CLUH: variants seen among roughly 807,000 people sequenced by gnomAD.
The protein encoded by CLUH is clustered mitochondria protein homolog.
In CLUH, 77 loss-of-function variants were observed where a neutral mutation model predicts 139.3. That is an observed-to-expected ratio of 0.55 (90% CI 0.46 to 0.67). The LOEUF (loss-of-function observed/expected upper bound fraction) is 0.67, where lower values mean the gene tolerates loss of function less well. Among genes scored for constraint, CLUH ranks in the 30% least tolerant of loss-of-function variants. The pLI is 0.00. For missense variants in CLUH, 1,876 were observed against 1,875.8 expected (o/e 1.00, Z 0.00); for synonymous variants, 999 against 801.6 (o/e 1.25, Z -4.16).
In CLUH at chr17:2,695,524, C is replaced by CAA. The variant is rs1043964812; in HGVS notation, c.2393_2394insTT (p.Lys799Ter). Reference sequence around the variant, plus strand: ...GGACCGCGTGCTCCATGCAGTCCTTCACCTGCGGGCTGCAGCAGCTCAGGC... The same window carrying CAA: ...GGACCGCGTGCTCCATGCAGTCCTTCAAACCTGCGGGCTGCAGCAGCTCAGGC... On this transcript the variant is annotated frameshift_variant and splice_region_variant, in exon 14 of 26. Coordinates refer to ENST00000651024, the MANE Select transcript of CLUH (RefSeq NM_001366661.1). LOFTEE classifies it high-confidence loss of function. 7.5e-6 allele frequency: 12 copies of CAA among 1,597,528 alleles called. No individual in the cohort carries two copies. The highest frequency in any genetic ancestry group is 1.0e-5 in the Non-Finnish European group (12 of 1,177,068).
rs773080711 is a variant in CLUH at position 2,695,519 on chromosome 17, T to A, written c.2399A>T (p.Asp800Val). 6.2e-7 allele frequency: 1 copy of A among 1,601,224 alleles called. No individual in the cohort carries two copies. Among genetic ancestry groups the A allele is most frequent in the Non-Finnish European group, 8.5e-7 (1 of 1,178,378 alleles). ...LSCQIPGLVK[D>V]CMEHAVLPVD... ...GGGCAGGACCGCGTGCTCCATGCAG[T>A]CCTTCACCTGCGGGCTGCAGCAGCT... The change falls in exon 14 of 26, where the codon GAC (aspartate) becomes GTC (valine). Residue 800 changes from aspartate to valine, a missense_variant. This residue lies in a region of CLUH where 1,454 missense variants were observed against 1,384.4 expected (regional missense o/e 1.05). Transcript: ENST00000651024.
At position 2,690,507 on chromosome 17, in the gene CLUH, T is replaced by C; in HGVS notation, c.*87A>G. The C allele has an allele frequency of 3.2e-6, 4 of 1,233,200 alleles. No individual in the cohort carries two copies. Among genetic ancestry groups the C allele is most frequent in the Non-Finnish European group, 4.3e-6 (4 of 940,730 alleles). The allele number at this position is 1,233,200 out of a possible 1,614,324, so 76.4% of individuals were successfully genotyped here. On this transcript the variant is annotated 3_prime_UTR_variant, in exon 26 of 26. Coordinates refer to ENST00000651024, the MANE Select transcript of CLUH (RefSeq NM_001366661.1). The stretch of plus-strand genomic sequence containing the variant: ...CGTGGAGGAAGAGGGCCTTGCTTCC[T>C]CTTCCGCCCGCAGGCTCGCCCCCTT...
At chr17:2,697,806 T>A in intron 10 of CLUH, 90 bp downstream of exon 10, 1 of 1,225,870 alleles carries the variant, frequency 8.2e-7, no homozygotes, top group Non-Finnish European at 1.1e-6. Context: ...CCAGCGCTTC[T>A]CCCTTCAAGG....
In CLUH at chr17:2,690,631, G is replaced by A. The variant is rs2069585780; in HGVS notation, c.4010C>T (p.Pro1337Leu). The A allele has an allele frequency of 9.3e-6, 14 of 1,503,752 alleles. No individual in the cohort carries two copies. The highest frequency in any genetic ancestry group is 7.5e-5 in the Admixed American group (3 of 40,126). The allele number at this position is 1,503,752 out of a possible 1,614,324, so 93.2% of individuals were successfully genotyped here. A position where few individuals can be genotyped will look rare whatever the true frequency, so the allele number is the denominator to read the frequency against. The stretch of plus-strand genomic sequence containing the variant: ...GCTCGGAGAAGGGTCCTTGGCAGCC[G>A]GGGGCTGGGAGCCCAGGTCTCCTGG... Reference protein sequence around the residue: ...GAPGDLGSQPPAAKDPSPSVQ... With the variant: ...GAPGDLGSQPLAAKDPSPSVQ... Residue 1337 changes from proline (P) to leucine (L), a missense_variant, in exon 26 of 26, where the codon CCG becomes CTG. This residue lies in a region of CLUH where 1,454 missense variants were observed against 1,384.4 expected (regional missense o/e 1.05). Transcript: ENST00000651024.
intron 25 of CLUH, 54 bp from the exon 26 acceptor site, chr17:2,690,831 A>G (rs1597591231): frequency 2.2e-6 from 3 of 1,344,436 alleles, no homozygotes; most frequent in Non-Finnish European, 2.9e-6. Context: ...TGGGGGCTCC[A>G]CCCGCCTCCC....
At position 2,702,050 on chromosome 17, in the gene CLUH, G is replaced by A. The variant is rs568728807; in HGVS notation, c.483C>T (p.Tyr161=). 8.1e-6 allele frequency: 13 copies of A among 1,613,400 alleles called. No individual in the cohort carries two copies. In the East Asian group the frequency reaches 2.0e-4, roughly 25 times the overall value. ...GSVLRVVEEP[Y]TVREARIHVR... is the part of the protein sequence containing the mutation. Reference sequence around the variant, plus strand: ...CGTGGATGCGGGCCTCACGCACCGTGTACGGCTCTGTCAGGAAGGCAGGGA... The same window carrying A: ...CGTGGATGCGGGCCTCACGCACCGTATACGGCTCTGTCAGGAAGGCAGGGA... Residue 161 remains tyrosine (Y), a synonymous_variant, in exon 4 of 26, where the codon TAC becomes TAT. Coordinates refer to ENST00000651024, the MANE Select transcript of CLUH (RefSeq NM_001366661.1).
intron 1 of CLUH, chr17:2,711,003 T>C (rs553620490): frequency 2.0e-5 from 3 of 152,532 alleles, no homozygotes; most frequent in Admixed American, 6.5e-5. Context: ...GGTTATAGCC[T>C]GGCCTCAGGG....
Position 2,701,457 on chromosome 17 carries a change from T to A in CLUH, c.808A>T (p.Met270Leu), listed in dbSNP as rs930045639. Reference sequence around the variant, plus strand: ...AACAGGTACATGAGGTCCCCGTGCATCTTCCGGTTCCCCGGGGGCGGGTTC... The same window carrying A: ...AACAGGTACATGAGGTCCCCGTGCAACTTCCGGTTCCCCGGGGGCGGGTTC... ...GWNPPPGNRK[M>L]HGDLMYLFVI... Residue 270 changes from methionine (M) to leucine (L), a missense_variant, in exon 6 of 26, where the codon ATG (methionine) becomes TTG (leucine). Met to Leu is a conservative substitution (Grantham distance 15, BLOSUM62 2). This residue lies in a region of CLUH where 270 missense variants were observed against 354.7 expected (regional missense o/e 0.76). Transcript: ENST00000651024. The A allele has an allele frequency of 1.2e-6, 2 of 1,613,792 alleles. No individual in the cohort carries two copies. The highest frequency in any genetic ancestry group is 1.7e-6 in the Non-Finnish European group (2 of 1,179,844).
chr17:2,697,669 C>T (rs1449555657), intron 10 of CLUH, among the ~76,000 whole-genome samples: 1 of 152,236 alleles, frequency 6.6e-6, no homozygotes, highest in Non-Finnish European at 1.5e-5. Flanking sequence ...GTGTCCGCCA[C>T]AGCCACATTA....
At position 2,696,770 on chromosome 17, in the gene CLUH, G is replaced by A. The variant is rs1288013311; in HGVS notation, c.2134C>T (p.Leu712=). 3 of 1,612,708 alleles carry A rather than the reference G, an allele frequency of 1.9e-6. No individual in the cohort carries two copies. Among genetic ancestry groups the A allele is most frequent in the African/African-American group, 1.3e-5 (1 of 74,930 alleles). ...TCTGCCAGCTCCTTCACCTTGGCCA[G>A]GCCGCTGGCGCTGCTACCCTCCTCC... ...SEEEGSSASG[L]AKVKELAETI... is the part of the protein sequence containing the mutation. The change falls in exon 11 of 26, where the codon CTG becomes TTG. Residue 712 remains leucine, a synonymous_variant. Coordinates refer to ENST00000651024, the MANE Select transcript of CLUH (RefSeq NM_001366661.1).
rs1488529084 is a variant in CLUH, at chr17:2,692,568, C to G, written c.3438+3G>C. ...CCTGCCGCCCCCCCGCCCCAGCACT[C>G]ACGTCCAGCAGCGCCATCTCGGGGT... On this transcript the variant is annotated splice_donor_region_variant and intron_variant, in intron 21 of 25. Coordinates refer to ENST00000651024, the MANE Select transcript of CLUH (RefSeq NM_001366661.1). 1.2e-6 allele frequency: 2 copies of G among 1,610,674 alleles called. No homozygotes were observed. Among genetic ancestry groups the G allele is most frequent in the Non-Finnish European group, 1.7e-6 (2 of 1,178,980 alleles).
intron 12 of CLUH, 45 bp downstream of exon 12, chr17:2,696,389 T>A: frequency 6.5e-7 from 1 of 1,535,128 alleles, no homozygotes; most frequent in Non-Finnish European, 8.8e-7. Flanking sequence ...CCAGCGAAGC[T>A]CTGGCCCTGG....
Position 2,692,027 on chromosome 17 carries a change from C to T in CLUH, c.3631G>A (p.Gly1211Ser), listed in dbSNP as rs760595481. Residue 1211 changes from glycine (G) to serine (S), a missense_variant, in exon 23 of 26, where the codon GGT (glycine) becomes AGT (serine). Coordinates refer to ENST00000651024, the MANE Select transcript of CLUH (RefSeq NM_001366661.1). ...FRSALQHEKEGYTIYKTQLGE... is the reference protein window; with the variant it reads ...FRSALQHEKESYTIYKTQLGE... Reference sequence around the variant, plus strand: ...ACCTGCGTCTTGTAGATGGTGTAACCCTCCTTCTCGTGCTGCAGGGCCGAC... The same window carrying T: ...ACCTGCGTCTTGTAGATGGTGTAACTCTCCTTCTCGTGCTGCAGGGCCGAC... The T allele has an allele frequency of 3.0e-5, 47 of 1,588,998 alleles. No homozygotes were observed. Among genetic ancestry groups the T allele is most frequent in the Non-Finnish European group, 3.8e-5 (44 of 1,168,032 alleles).
In CLUH at chr17:2,693,791, C is replaced by T. The variant is rs929656811; in HGVS notation, c.3231+109G>A. ...CCAGGGGTGGCCTGGGCAGAACCAG[C>T]GACTTCCTGGGGTCTCCCTGGACTC... On this transcript the variant is annotated intron_variant, in intron 19 of 25. Coordinates refer to ENST00000651024, the MANE Select transcript of CLUH (RefSeq NM_001366661.1). 4.3e-5 allele frequency: 60 copies of T among 1,391,240 alleles called. No individual in the cohort carries two copies. The African/African-American group carries it at 5.2e-4, about 12-fold the overall frequency. The allele number at this position is 1,391,240 out of a possible 1,614,324, so 86.2% of individuals were successfully genotyped here.
rs766410270 is a variant in CLUH, at chr17:2,691,878, C to T, written c.3672G>A (p.Glu1224=). ...IYKTQLGEDH[E]KTKESSEYLK... ...GGTACTCGGAGCTTTCCTTGGTCTTCTCATGGTCCTCGCCCAGCTGCGGGG... is the reference window on the plus strand; with the variant it reads ...GGTACTCGGAGCTTTCCTTGGTCTTTTCATGGTCCTCGCCCAGCTGCGGGG... The change falls in exon 24 of 26, where the codon GAG becomes GAA. Residue 1224 remains glutamate, a synonymous_variant. Transcript: ENST00000651024. 6.5e-7 allele frequency: 1 copy of T among 1,539,768 alleles called. No homozygotes were observed. The highest frequency in any genetic ancestry group is 1.2e-5 in the South Asian group (1 of 83,978).
In CLUH at chr17:2,707,660, C is replaced by T. The variant is rs991215036; in HGVS notation, c.101-3096G>A. 16 of 985,264 alleles carry T rather than the reference C, an allele frequency of 1.6e-5. No homozygotes were observed. Among genetic ancestry groups the T allele is most frequent in the Admixed American group, 1.2e-4 (2 of 16,270 alleles). The allele number at this position is 985,264 out of a possible 1,614,324, so 61.0% of individuals were successfully genotyped here. On this transcript the variant is annotated intron_variant, in intron 1 of 25. Coordinates refer to ENST00000651024, the MANE Select transcript of CLUH (RefSeq NM_001366661.1). This position sits in a 1 kb window ranked among gnomAD's most constrained non-coding sequence, Gnocchi z 7.4. ...GGCCCAGCAAGGGGGTCCTCTCCTC[C>T]GCTCCCATCCCAGTGGGGGTGAACA...
chr17:2,693,833 A>AG, intron 19 of CLUH, 67 bp downstream of exon 19: 4 of 1,532,716 alleles, frequency 2.6e-6, no homozygotes, highest in Non-Finnish European at 3.5e-6. Context: ...CTCCTCCGTC[A>AG]GGGGCCCCCT....
intron 12 of CLUH, 25 bp from the exon 13 acceptor site, chr17:2,696,284 T>C: frequency 6.4e-7 from 1 of 1,553,806 alleles, no homozygotes; most frequent in Non-Finnish European, 8.7e-7. Flanking sequence ...GCAGAGAGGC[T>C]GAGCCAGGCA....
At chr17:2,694,351 G>T in intron 17 of CLUH, 75 bp from the exon 18 acceptor site, 2 of 1,526,594 alleles carry the variant, frequency 1.3e-6, no homozygotes, top group Non-Finnish European at 1.8e-6. Context: ...ACCCACCAAC[G>T]CTTGCGCACA....
Sources: gnomAD v4.1 joint callset for allele counts (sites outside exome capture counted in the v4.1 genomes callset) on GRCh38, gnomAD v4.1.1 for gene constraint, gnomAD v4.1.1 regional missense constraint, Gnocchi (gnomAD v3.1) non-coding constraint, MANE v1.5 for transcripts, NCBI Gene and HGNC (gene_info 2026-07-23, HGNC 2026-07-21) for gene names.